Variants in ASCC3 observed in about 807,000 individuals in gnomAD.
ASCC3 encodes the protein ASC-1 complex subunit P200.
Under a neutral mutation model 256.3 loss-of-function variants are expected in ASCC3, and 158 were observed. That is an observed-to-expected ratio of 0.62 (90% CI 0.54 to 0.70). The LOEUF (loss-of-function observed/expected upper bound fraction) is 0.70. Ranked by LOEUF, ASCC3 falls within the 30% of genes least tolerant of loss-of-function variation. The pLI is 0.00. For missense variants in ASCC3, 2,259 were observed against 2,626.0 expected (o/e 0.86, Z 3.05); for synonymous variants, 948 against 883.4 (o/e 1.07, Z -1.30).
intron 16 of ASCC3, among the ~76,000 whole-genome samples, chr6:100,658,896 G>A (rs1170355877): frequency 6.6e-6 from 1 of 151,288 alleles, no homozygotes; most frequent in Non-Finnish European, 1.5e-5. Context: ...ATAGGGAGCT[G>A]GCACAGAGTA....
chr6:100,739,952 G>C (rs904269101), intron 10 of ASCC3, among the ~76,000 whole-genome samples: 2 of 152,096 alleles, frequency 1.3e-5, no homozygotes, highest in East Asian at 3.9e-4. Flanking sequence ...TCTGATCTTG[G>C]TTATCTCTCG....
chr6:100,832,587 G>A (rs1052161176), intron 4 of ASCC3, among the ~76,000 whole-genome samples: 3 of 151,982 alleles, frequency 2.0e-5, no homozygotes, highest in Non-Finnish European at 4.4e-5. Context: ...TTAAAAGAAA[G>A]AAAGCTCTCA....
intron 40 of ASCC3, among the ~76,000 whole-genome samples, chr6:100,511,173 G>A (rs1342625305): frequency 1.3e-5 from 2 of 152,050 alleles, no homozygotes; most frequent in African/African-American, 2.4e-5. Flanking sequence ...GGTGCAGTGG[G>A]TCACGCCTGT....
intron 14 of ASCC3, among the ~76,000 whole-genome samples, chr6:100,676,017 TTATAAA>T (rs1316029823): frequency 6.6e-6 from 1 of 152,160 alleles, no homozygotes; most frequent in Non-Finnish European, 1.5e-5. Flanking sequence ...ATACTTAATT[TTATAAA>T]TATAAACTGC....
chr6:100,626,176 C>T (rs1435119048), intron 29 of ASCC3, among the ~76,000 whole-genome samples: 1 of 151,958 alleles, frequency 6.6e-6, no homozygotes, highest in Non-Finnish European at 1.5e-5. Context: ...TTTTGCTTTA[C>T]ATAGGCTCCA....
intron 8 of ASCC3, among the ~76,000 whole-genome samples, chr6:100,778,383 C>T (rs963813823): frequency 7.1e-6 from 1 of 140,036 alleles, no homozygotes; most frequent in Non-Finnish European, 1.5e-5. Context: ...AGTTTGCATT[C>T]TAGTAATCTT....
intron 36 of ASCC3, among the ~76,000 whole-genome samples, chr6:100,548,562 T>C (rs1285352866): frequency 6.6e-6 from 1 of 151,956 alleles, no homozygotes; most frequent in Non-Finnish European, 1.5e-5. Flanking sequence ...AGCTCCCTAG[T>C]GTGACAGACA....
Position 100,655,118 on chromosome 6 carries a change from C to G in ASCC3, c.2823+581G>C, listed in dbSNP as rs748367259. ...ATGAAGCAGAGTTATAAAGGAAAGACAAGATTTCACAGAATCTATAAGCCA... is the reference window on the plus strand; with the variant it reads ...ATGAAGCAGAGTTATAAAGGAAAGAGAAGATTTCACAGAATCTATAAGCCA... On this transcript the variant is annotated intron_variant, in intron 17 of 41. Transcript: ENST00000369162. 8.2e-4 allele frequency among the ~76,000 whole-genome samples: 125 copies of G among 151,848 alleles called. 1 individual carries two copies. Among genetic ancestry groups the G allele is most frequent in the Non-Finnish European group, 1.6e-4 (11 of 67,802 alleles).
chr6:100,613,852 A>C (rs1773530785), intron 30 of ASCC3, among the ~76,000 whole-genome samples: 3 of 152,088 alleles, frequency 2.0e-5, no homozygotes, highest in Non-Finnish European at 2.9e-5. Flanking sequence ...AGCCATTTTG[A>C]CTGGGGTAAA....
intron 36 of ASCC3, among the ~76,000 whole-genome samples, chr6:100,559,527 T>C (rs1769810068): frequency 6.6e-6 from 1 of 152,146 alleles, no homozygotes; most frequent in South Asian, 2.1e-4. Context: ...TAAATAATCC[T>C]AAGGAGACAA....
At chr6:100,851,239 T>C (rs1029617369) in intron 3 of ASCC3, among the ~76,000 whole-genome samples, 10 of 152,160 alleles carry the variant, frequency 6.6e-5, no homozygotes, top group African/African-American at 2.4e-4. Context: ...TCCCTGTAAA[T>C]TCCTAGACAG....
At position 100,625,299 on chromosome 6, in the gene ASCC3, T is replaced by C. The variant is rs1301233168; in HGVS notation, c.4678A>G (p.Ile1560Val). ...GTTTGACGTCTTGATGAGACAAATATCAAAACAGGTTTGGCTGGAGAATGG... is the reference window on the plus strand; with the variant it reads ...GTTTGACGTCTTGATGAGACAAATACCAAAACAGGTTTGGCTGGAGAATGG... Reference protein sequence around the residue: ...RSHSPAKPVLIFVSSRRQTRL... With the variant: ...RSHSPAKPVLVFVSSRRQTRL... Residue 1560 changes from isoleucine to valine, a missense_variant, in exon 30 of 42, where the codon ATA (isoleucine) becomes GTA (valine). Physicochemically the swap from Ile to Val is conservative, Grantham distance 29. Transcript: ENST00000369162. 4.3e-6 allele frequency: 7 copies of C among 1,612,896 alleles called. No individual in the cohort carries two copies. Among genetic ancestry groups the C allele is most frequent in the Non-Finnish European group, 5.1e-6 (6 of 1,179,198 alleles).
At chr6:100,530,482 AC>A (rs1774814104) in intron 37 of ASCC3, 3 of 790,700 alleles carry the variant, frequency 3.8e-6, no homozygotes, top group African/African-American at 3.4e-5. Flanking sequence ...GAACAACTGT[AC>A]AATAGAGACA....
chr6:100,525,978 C>T (rs746804499), intron 37 of ASCC3, among the ~76,000 whole-genome samples: 1 of 152,090 alleles, frequency 6.6e-6, no homozygotes, highest in Non-Finnish European at 1.5e-5. Context: ...AAAGCCACTC[C>T]TTTAAAGGTT....
At chr6:100,740,736 C>G (rs534886448) in intron 10 of ASCC3, among the ~76,000 whole-genome samples, 32 of 152,278 alleles carry the variant, frequency 2.1e-4, no homozygotes, top group African/African-American at 7.2e-4. Flanking sequence ...ATGGCAACCC[C>G]TGCTTTTTTC....
intron 33 of ASCC3, among the ~76,000 whole-genome samples, chr6:100,604,399 G>C (rs768926490): frequency 6.6e-6 from 1 of 151,072 alleles, no homozygotes; most frequent in East Asian, 1.9e-4. Flanking sequence ...AGTTTAATTC[G>C]CTATTTTTTT....
chr6:100,859,808 C>T (rs940444470), intron 3 of ASCC3, among the ~76,000 whole-genome samples: 5 of 151,922 alleles, frequency 3.3e-5, no homozygotes, highest in Non-Finnish European at 7.4e-5. Context: ...AAAAGCAAAA[C>T]AAACAGGTCT....
intron 36 of ASCC3, among the ~76,000 whole-genome samples, chr6:100,568,189 G>GA (rs1770370452): frequency 6.6e-6 from 1 of 151,934 alleles, no homozygotes; most frequent in Admixed American, 6.6e-5. Flanking sequence ...CCAACATGGT[G>GA]AAACCCCATC....
intron 3 of ASCC3, 132 bp from the exon 4 acceptor site, chr6:100,848,839 T>C (rs1772518147): frequency 1.1e-5 from 9 of 856,946 alleles, no homozygotes; most frequent in Middle Eastern, 2.5e-4. Flanking sequence ...CCAGGTGTAA[T>C]GGCTCCATAT....
Sources: allele counts gnomAD v4.1 joint callset (sites outside exome capture counted in the v4.1 genomes callset), GRCh38; gene constraint gnomAD v4.1.1; transcripts MANE v1.5; gene names NCBI Gene and HGNC (gene_info 2026-07-23, HGNC 2026-07-21).